KIFAP3: variants seen among roughly 807,000 people sequenced by gnomAD.
KIFAP3 encodes kinesin associated protein 3.
Under a neutral mutation model 106.5 loss-of-function variants are expected in KIFAP3, and 68 were observed. That is an observed-to-expected ratio of 0.64 (90% CI 0.53 to 0.78). The LOEUF (loss-of-function observed/expected upper bound fraction) is 0.78, where lower values mean the gene tolerates loss of function less well. KIFAP3 is among the 30% of genes least tolerant of loss of function. The pLI is 0.00. For synonymous variants in KIFAP3, 320 were observed against 311.5 expected (o/e 1.03, Z -0.29); for missense variants, 780 against 941.8 (o/e 0.83, Z 2.25).
chr1:170,037,147 A>G (rs931719875), intron 5 of KIFAP3, among the ~76,000 whole-genome samples: 1 of 152,224 alleles, frequency 6.6e-6, no homozygotes, highest in Non-Finnish European at 1.5e-5. Flanking sequence ...ACAGAAGGAA[A>G]GGGAACACTA....
intron 19 of KIFAP3, among the ~76,000 whole-genome samples, chr1:169,951,683 A>C (rs1213465080): frequency 6.6e-6 from 1 of 151,886 alleles, no homozygotes; most frequent in Non-Finnish European, 1.5e-5. Context: ...GAATTGAGCA[A>C]AAAAGGATTT....
At chr1:169,923,089 G>C (rs758673564) in intron 19 of KIFAP3, 3 of 985,034 alleles carry the variant, frequency 3.0e-6, no homozygotes, top group Non-Finnish European at 3.6e-6. Context: ...CTGCCCTTTA[G>C]GAGAATGGAA....
intron 15 of KIFAP3, among the ~76,000 whole-genome samples, chr1:169,978,490 G>C (rs770468330): frequency 6.6e-6 from 1 of 151,794 alleles, no homozygotes; most frequent in Non-Finnish European, 1.5e-5. Flanking sequence ...TAAACTCTAA[G>C]TTTTTGGTGG....
chr1:169,933,196 A>G (rs1663590615), intron 19 of KIFAP3, among the ~76,000 whole-genome samples: 1 of 152,056 alleles, frequency 6.6e-6, no homozygotes, highest in Non-Finnish European at 1.5e-5. Flanking sequence ...GGATATTTCA[A>G]AAGATTTATA....
rs1409626797 is a variant in KIFAP3 at position 170,024,409 on chromosome 1, G to GT, written c.1020+8dup. 1 of 1,519,144 alleles carries GT rather than the reference G, an allele frequency of 6.6e-7. No homozygotes were observed. 94.1% of individuals were successfully genotyped at this position (1,519,144 alleles called of 1,614,324 possible). A position where few individuals can be genotyped will look rare whatever the true frequency, so the allele number is the denominator to read the frequency against. ...ATGAACTATTTCAAGAAAAAGCTTT[G>GT]TAAGTTACCATATCATTTTTATTCT... On this transcript the variant is annotated intron_variant, in intron 9 of 19. Transcript: ENST00000361580.
In KIFAP3 at chr1:170,068,237, A is replaced by G. The variant is rs902995735; in HGVS notation, c.32+6199T>C. 10 of 152,222 alleles carry G rather than the reference A, an allele frequency of 6.6e-5. No homozygotes were observed. The East Asian group carries it at 1.5e-3, about 23-fold the overall frequency. The allele number at this position is 152,222 out of a possible 1,614,324, so 9.4% of individuals were successfully genotyped here. On this transcript the variant is annotated intron_variant, in intron 1 of 19. Coordinates refer to ENST00000361580, the MANE Select transcript of KIFAP3 (RefSeq NM_014970.4). ...AATTAACAGAAACTGTCCATGCTAC[A>G]GCACAAACACTGGACTTATCAAAGA...
At position 169,998,607 on chromosome 1, in the gene KIFAP3, T is replaced by TC. The variant is rs1558232616; in HGVS notation, c.1184-6353dup. Among the ~76,000 whole-genome samples the TC allele has an allele frequency of 2.6e-5, 4 of 151,548 alleles. No homozygotes were observed. In the South Asian group the frequency reaches 6.2e-4, roughly 24 times the overall value. The stretch of plus-strand genomic sequence containing the variant: ...ATTTACAAATAACTATAAATTTAAT[T>TC]CCCCCCCTTTTTGTAATTAGGGAAT... On this transcript the variant is annotated intron_variant, in intron 10 of 19. Coordinates refer to ENST00000361580, the MANE Select transcript of KIFAP3 (RefSeq NM_014970.4).
chr1:170,063,634 A>G (rs1311046946), intron 1 of KIFAP3, among the ~76,000 whole-genome samples: 3 of 152,062 alleles, frequency 2.0e-5, no homozygotes, highest in Non-Finnish European at 2.9e-5. Context: ...TTTTCTCTGT[A>G]GTGGGCAAGA....
intron 10 of KIFAP3, among the ~76,000 whole-genome samples, chr1:170,001,705 C>A (rs1667677242): frequency 6.6e-6 from 1 of 151,952 alleles, no homozygotes. Context: ...ACAACCAAAC[C>A]AATTTATTTT....
rs111858352 is a variant in KIFAP3, at chr1:170,073,454, G to C, written c.32+982C>G. Among the ~76,000 whole-genome samples, 1,259 of 152,306 alleles carry C rather than the reference G, an allele frequency of 8.3e-3. 14 individuals carry two copies. Among genetic ancestry groups the C allele is most frequent in the African/African-American group, 0.029 (1,194 of 41,578 alleles). On this transcript the variant is annotated intron_variant, in intron 1 of 19. Coordinates refer to ENST00000361580, the MANE Select transcript of KIFAP3 (RefSeq NM_014970.4). ...TGATGATGAGAGCTCAGCCAAGCCA[G>C]AATAAAAATATTCACTGCAAGTGTA...
chr1:169,993,328 T>C (rs1050042776), intron 10 of KIFAP3, among the ~76,000 whole-genome samples: 2 of 151,340 alleles, frequency 1.3e-5, no homozygotes, highest in African/African-American at 4.9e-5. Context: ...GCCAGGCTGG[T>C]CTCGAACTCT....
At chr1:169,941,175 G>T (rs140777560) in intron 19 of KIFAP3, among the ~76,000 whole-genome samples, 91 of 152,196 alleles carry the variant, frequency 6.0e-4, no homozygotes, top group African/African-American at 2.1e-3. Context: ...AGGTCTATTT[G>T]AAAACAATTC....
At chr1:169,927,656 A>G (rs966474234) in intron 19 of KIFAP3, among the ~76,000 whole-genome samples, 2 of 152,194 alleles carry the variant, frequency 1.3e-5, no homozygotes, top group South Asian at 4.1e-4. Context: ...TGAATTCATG[A>G]ATGAATTAGT....
chr1:169,930,258 C>T (rs1425391684), intron 19 of KIFAP3, among the ~76,000 whole-genome samples: 1 of 152,098 alleles, frequency 6.6e-6, no homozygotes, highest in East Asian at 1.9e-4. Flanking sequence ...CTTGGGCATC[C>T]TAACACTCTT....
intron 10 of KIFAP3, among the ~76,000 whole-genome samples, chr1:170,006,882 G>A (rs1026438623): frequency 1.3e-5 from 2 of 152,110 alleles, no homozygotes; most frequent in African/African-American, 4.8e-5. Context: ...GTATTTAAAT[G>A]GAATGAATGA....
At chr1:170,083,898 A>G (rs1031051675) in intron 1 of KIFAP3, among the ~76,000 whole-genome samples, 4 of 152,254 alleles carry the variant, frequency 2.6e-5, no homozygotes, top group African/African-American at 7.2e-5. Context: ...TTAAAGTTAC[A>G]TGAAAATGAT....
rs574450717 is a variant in KIFAP3 at position 170,037,669 on chromosome 1, G to A, written c.517+621C>T. ...GGAGAATTATATGAACCCGGGAGGC[G>A]GAGGTTGCAGTGAGCTGAAGGTTGC... On this transcript the variant is annotated intron_variant, in intron 5 of 19. Transcript: ENST00000361580. Among the ~76,000 whole-genome samples, 2 of 152,184 alleles carry A rather than the reference G, an allele frequency of 1.3e-5. 1 individual carries two copies. The highest frequency in any genetic ancestry group is 4.8e-5 in the African/African-American group (2 of 41,530).
chr1:169,953,947 A>C, intron 19 of KIFAP3, 64 bp downstream of exon 19: 1 of 1,049,072 alleles, frequency 9.5e-7, no homozygotes, highest in Non-Finnish European at 1.5e-6. Flanking sequence ...GAGAGTGAAG[A>C]GGATTTTAGC....
chr1:169,979,771 G>A (rs1666413536), intron 15 of KIFAP3, among the ~76,000 whole-genome samples: 1 of 152,088 alleles, frequency 6.6e-6, no homozygotes, highest in Admixed American at 6.6e-5. Context: ...ACTCCTACGT[G>A]TGAACCTAAT....
Sources: gnomAD v4.1 joint callset for allele counts (sites outside exome capture counted in the v4.1 genomes callset) on GRCh38, gnomAD v4.1.1 for gene constraint, MANE v1.5 for transcripts, NCBI Gene and HGNC (gene_info 2026-07-23, HGNC 2026-07-21) for gene names.